ARHGAP15: variants seen among roughly 807,000 people sequenced by gnomAD.
ARHGAP15 encodes the protein Rho GTPase activating protein 15.
A neutral mutation model predicts 63.7 loss-of-function variants in ARHGAP15; 51 were observed. The observed-to-expected ratio is 0.80, with a 90% CI of 0.64 to 1.01. The LOEUF is 1.01. Among genes scored for constraint, ARHGAP15 ranks in the 50% least tolerant of loss-of-function variants. The pLI is 0.00. For synonymous variants in ARHGAP15, 191 were observed against 193.8 expected (o/e 0.99, Z 0.12); for missense variants, 560 against 564.6 (o/e 0.99, Z 0.08).
intron 13 of ARHGAP15, among the ~76,000 whole-genome samples, chr2:143,717,190 A>G (rs757534457): frequency 6.6e-6 from 1 of 152,158 alleles, no homozygotes; most frequent in African/African-American, 2.4e-5. Context: ...CAGATGCCCA[A>G]CCACGGAAGA....
intron 6 of ARHGAP15, among the ~76,000 whole-genome samples, chr2:143,274,152 ATATAT>A (rs1206762451): frequency 3.3e-5 from 5 of 152,172 alleles, no homozygotes; most frequent in Non-Finnish European, 7.4e-5. Context: ...ATAAACATAA[ATATAT>A]TAGATAACAA....
chr2:143,263,907 C>CTT lies in ARHGAP15; in HGVS notation c.474+13342_474+13343dup, dbSNP rs373296096. Among the ~76,000 whole-genome samples the CTT allele has an allele frequency of 6.9e-3, 265 of 38,434 alleles. 85 individuals carry two copies. The highest frequency in any genetic ancestry group is 0.01 in the Non-Finnish European group (164 of 16,372). 25.2% of individuals were successfully genotyped at this position (38,434 alleles called of 152,430 possible). On this transcript the variant is annotated intron_variant, in intron 6 of 13. Coordinates refer to ENST00000295095, the MANE Select transcript of ARHGAP15 (RefSeq NM_018460.4). ...GGTGGGTCTACGGTGAAGCTGCAGT[C>CTT]TTTTTTTTTTTTTTTTTTTTTTTTT...
intron 6 of ARHGAP15, among the ~76,000 whole-genome samples, chr2:143,393,726 TAAAAAAAAAAAAAAA>T (rs10593584): frequency 1.6e-5 from 1 of 61,444 alleles, no homozygotes; most frequent in African/African-American, 6.4e-5. Flanking sequence ...AGACTCTGTC[TAAAAAAAAAAAAAAA>T]AAAAAAAAAA....
intron 6 of ARHGAP15, among the ~76,000 whole-genome samples, chr2:143,320,403 TCCCCACCCCC>T (rs1353138326): frequency 1.1e-4 from 1 of 9,008 alleles, no homozygotes; most frequent in Non-Finnish European, 2.8e-4. Context: ...AATCAGGACT[TCCCCACCCCC>T]CCCCCCCCCA....
Position 143,703,515 on chromosome 2 carries a change from A to C in ARHGAP15, c.1235A>C (p.His412Pro). Residue 412 changes from histidine (H) to proline (P), a missense_variant, in exon 13 of 14, where the codon CAT becomes CCT. Physicochemically the swap from His to Pro is moderately conservative, Grantham distance 77. Coordinates refer to ENST00000295095, the MANE Select transcript of ARHGAP15 (RefSeq NM_018460.4). ...NRDTMKVLFG[H>P]LTKIVAKASK... ...GACACCATGAAAGTCCTCTTTGGACATCTAACTAAGTAAGTTGTAAGGATT... is the reference window on the plus strand; with the variant it reads ...GACACCATGAAAGTCCTCTTTGGACCTCTAACTAAGTAAGTTGTAAGGATT... 6.2e-7 allele frequency: 1 copy of C among 1,607,402 alleles called. No individual in the cohort carries two copies. The highest frequency in any genetic ancestry group is 1.7e-4 in the Middle Eastern group (1 of 6,020).
At chr2:143,747,245 TAAAAAA>T (rs967922078) in intron 13 of ARHGAP15, among the ~76,000 whole-genome samples, 16 of 149,006 alleles carry the variant, frequency 1.1e-4, no homozygotes, top group African/African-American at 3.5e-4. Flanking sequence ...TCCCAGAACT[TAAAAAA>T]AAAGAAAAAA....
chr2:143,741,121 C>G (rs1182526530), intron 13 of ARHGAP15: 3 of 152,210 alleles, frequency 2.0e-5, no homozygotes, highest in Non-Finnish European at 2.9e-5. Flanking sequence ...CCTTGGCAAA[C>G]ACGGTGAAAA....
chr2:143,747,382 C>T (rs1475840202), intron 13 of ARHGAP15, among the ~76,000 whole-genome samples: 1 of 152,196 alleles, frequency 6.6e-6, no homozygotes, highest in African/African-American at 2.4e-5. Flanking sequence ...AATATTGAGA[C>T]ATTAATTAAA....
At chr2:143,433,740 T>C (rs1289950163) in intron 6 of ARHGAP15, among the ~76,000 whole-genome samples, 1 of 121,286 alleles carries the variant, frequency 8.2e-6, no homozygotes, top group East Asian at 2.2e-4. Flanking sequence ...ACTTCTTAAA[T>C]GTTTCTTTTT....
chr2:143,171,357 G>C (rs1006879201), intron 2 of ARHGAP15, among the ~76,000 whole-genome samples: 1 of 152,076 alleles, frequency 6.6e-6, no homozygotes, highest in African/African-American at 2.4e-5. Context: ...GTTGCTCTTC[G>C]TCTTTGCTCC....
chr2:143,374,987 G>A (rs1181233681), intron 6 of ARHGAP15, among the ~76,000 whole-genome samples: 2 of 152,030 alleles, frequency 1.3e-5, no homozygotes, highest in Admixed American at 6.6e-5. Flanking sequence ...TCACTATGAG[G>A]GTGAATCAAC....
intron 11 of ARHGAP15, among the ~76,000 whole-genome samples, chr2:143,620,017 C>G (rs1257218286): frequency 1.3e-5 from 2 of 152,290 alleles, no homozygotes; most frequent in African/African-American, 4.8e-5. Context: ...CTAAAACAAC[C>G]AGGCTGGCTT....
At chr2:143,265,404 G>A (rs1215063576) in intron 6 of ARHGAP15, among the ~76,000 whole-genome samples, 1 of 152,022 alleles carries the variant, frequency 6.6e-6, no homozygotes, top group Admixed American at 6.6e-5. Context: ...GCTTCTGGGG[G>A]AAAGAAAAGA....
At position 143,408,007 on chromosome 2, in the gene ARHGAP15, A is replaced by G. The variant is rs1475665361; in HGVS notation, c.475-27594A>G. ...TGTGTGTATATATATATATATATAT[A>G]TATATATATATATATATATATATAT... On this transcript the variant is annotated intron_variant, in intron 6 of 13. Transcript: ENST00000295095. 8.7e-4 allele frequency among the ~76,000 whole-genome samples: 66 copies of G among 75,468 alleles called. 1 individual carries two copies. The highest frequency in any genetic ancestry group is 3.0e-3 in the South Asian group (6 of 2,008). The allele number at this position is 75,468 out of a possible 152,430, so 49.5% of individuals were successfully genotyped here. A position where few individuals can be genotyped will look rare whatever the true frequency, so the allele number is the denominator to read the frequency against.
chr2:143,204,956 A>AAAAC (rs757143280), intron 3 of ARHGAP15, among the ~76,000 whole-genome samples: 1 of 151,994 alleles, frequency 6.6e-6, no homozygotes, highest in South Asian at 2.1e-4. Context: ...AAATGAAACA[A>AAAAC]AAACAAACAA....
At chr2:143,666,762 C>T (rs1036029218) in intron 12 of ARHGAP15, among the ~76,000 whole-genome samples, 1 of 146,612 alleles carries the variant, frequency 6.8e-6, no homozygotes, top group Non-Finnish European at 1.5e-5. Flanking sequence ...GGGCTAAGGA[C>T]ATGAACAGAG....
At chr2:143,636,576 G>C (rs1680326757) in intron 12 of ARHGAP15, among the ~76,000 whole-genome samples, 1 of 152,098 alleles carries the variant, frequency 6.6e-6, no homozygotes, top group South Asian at 2.1e-4. Context: ...AGACAAGCCA[G>C]AGCACAACTA....
At chr2:143,732,920 T>G (rs1685600630) in intron 13 of ARHGAP15, among the ~76,000 whole-genome samples, 1 of 149,710 alleles carries the variant, frequency 6.7e-6, no homozygotes, top group Non-Finnish European at 1.5e-5. Context: ...GTTTTTTTTT[T>G]TTTTTTTTTT....
At chr2:143,710,608 AAT>A (rs1684539040) in intron 13 of ARHGAP15, among the ~76,000 whole-genome samples, 1 of 152,190 alleles carries the variant, frequency 6.6e-6, no homozygotes, top group African/African-American at 2.4e-5. Flanking sequence ...ACCACTGAAA[AAT>A]AGGAAACAAC....
Sources: allele counts gnomAD v4.1 joint callset (sites outside exome capture counted in the v4.1 genomes callset), GRCh38; gene constraint gnomAD v4.1.1; transcripts MANE v1.5; gene names NCBI Gene and HGNC (gene_info 2026-07-23, HGNC 2026-07-21).